The following CDK17 variants were observed in gnomAD, a reference collection of about 807,000 sequenced individuals.
The protein encoded by CDK17 is cyclin-dependent kinase 17.
Under a neutral mutation model 77.6 loss-of-function variants are expected in CDK17, and 24 were observed. The ratio of observed to expected loss-of-function variants is 0.31; its 90% CI spans 0.22 to 0.44. The LOEUF is 0.44. Ranked by LOEUF, CDK17 falls within the 20% of genes least tolerant of loss-of-function variation. The pLI, the probability that CDK17 is intolerant of heterozygous loss-of-function variation, is 1.00. For missense variants in CDK17, 429 were observed against 622.5 expected (o/e 0.69, Z 3.31); for synonymous variants, 203 against 210.4 (o/e 0.96, Z 0.30).
intron 5 of CDK17, among the ~76,000 whole-genome samples, chr12:96,304,720 C>T (rs1952554865): frequency 6.6e-6 from 1 of 152,136 alleles, no homozygotes; most frequent in East Asian, 1.9e-4. Context: ...ACAAAAATTG[C>T]TATTATCATC....
chr12:96,374,954 AACAGTC>A (rs1282535363), intron 1 of CDK17, among the ~76,000 whole-genome samples: 1 of 152,162 alleles, frequency 6.6e-6, no homozygotes, highest in African/African-American at 2.4e-5. Flanking sequence ...AGCACTGCTG[AACAGTC>A]ACACAACAGA....
At chr12:96,311,985 G>A (rs1416560021) in intron 4 of CDK17, among the ~76,000 whole-genome samples, 1 of 152,114 alleles carries the variant, frequency 6.6e-6, no homozygotes, top group Non-Finnish European at 1.5e-5. Context: ...AAGAGTATAT[G>A]TGTATATGGG....
At chr12:96,299,007 C>T (rs752529516) in intron 6 of CDK17, 24 bp from the exon 7 acceptor site, 40 of 1,184,818 alleles carry the variant, frequency 3.4e-5, no homozygotes, top group East Asian at 4.7e-5. Context: ...TTTTAAAGGA[C>T]GCATCAAAAG....
In CDK17 at chr12:96,381,859, C is replaced by A. The variant is rs936785210; in HGVS notation, c.-30+18127G>T. Among the ~76,000 whole-genome samples, 4 of 151,976 alleles carry A rather than the reference C, an allele frequency of 2.6e-5. No individual in the cohort carries two copies. The South Asian group carries it at 6.2e-4, about 24-fold the overall frequency. On this transcript the variant is annotated intron_variant, in intron 1 of 16. Coordinates refer to ENST00000261211, the MANE Select transcript of CDK17 (RefSeq NM_002595.5). The stretch of plus-strand genomic sequence containing the variant: ...CCAGGATTCAGGGAGCAGTCAAAGT[C>A]TCCTCCTTAGCAATCCGTGGGGATA...
Position 96,278,601 on chromosome 12 carries a change from A to G in CDK17, c.*1641T>C, listed in dbSNP as rs1025094597. 3.3e-5 allele frequency: 5 copies of G among 152,614 alleles called. No individual in the cohort carries two copies. The highest frequency in any genetic ancestry group is 1.2e-4 in the African/African-American group (5 of 41,466). 9.5% of individuals were successfully genotyped at this position (152,614 alleles called of 1,614,324 possible). A position where few individuals can be genotyped will look rare whatever the true frequency, so the allele number is the denominator to read the frequency against. Reference sequence around the variant, plus strand: ...TATTATAAATTTCAAAACAAAATGAAGGAATTTCCACATATTTATAACCTT... The same window carrying G: ...TATTATAAATTTCAAAACAAAATGAGGGAATTTCCACATATTTATAACCTT... On this transcript the variant is annotated 3_prime_UTR_variant, in exon 17 of 17. Coordinates refer to ENST00000261211, the MANE Select transcript of CDK17 (RefSeq NM_002595.5).
chr12:96,336,067 AG>A (rs1953036653), intron 1 of CDK17, among the ~76,000 whole-genome samples: 2 of 152,196 alleles, frequency 1.3e-5, no homozygotes, highest in Admixed American at 6.5e-5. Flanking sequence ...TATGCATATT[AG>A]TTACAGAATA....
intron 3 of CDK17, among the ~76,000 whole-genome samples, chr12:96,322,096 A>C (rs138076009): frequency 0.01 from 1,591 of 152,310 alleles, 48 homozygotes; most frequent in Admixed American, 0.064. Context: ...TACTCACGTC[A>C]TTAACAAACA....
chr12:96,394,676 G>C (rs1311895004), intron 1 of CDK17, among the ~76,000 whole-genome samples: 1 of 151,402 alleles, frequency 6.6e-6, no homozygotes, highest in African/African-American at 2.4e-5. Flanking sequence ...TTAGTTGGAC[G>C]TGGAAGCTCA....
intron 2 of CDK17, among the ~76,000 whole-genome samples, chr12:96,329,229 C>T (rs184672856): frequency 3.8e-4 from 57 of 151,940 alleles, no homozygotes; most frequent in African/African-American, 1.3e-3. Flanking sequence ...GTGATGGTTA[C>T]GCAATGTAAA....
intron 1 of CDK17, among the ~76,000 whole-genome samples, chr12:96,363,119 G>A (rs373853891): frequency 6.4e-4 from 97 of 152,120 alleles, no homozygotes; most frequent in African/African-American, 2.3e-3. Context: ...TTCCAGTTAC[G>A]AAAGTAAGAA....
rs931540270 is a variant in CDK17 at position 96,368,817 on chromosome 12, G to A, written c.-30+31169C>T. Among the ~76,000 whole-genome samples the A allele has an allele frequency of 1.7e-3, 168 of 96,600 alleles. 27 individuals are homozygous for A. The highest frequency in any genetic ancestry group is 4.2e-3 in the African/African-American group (119 of 28,568). The allele number at this position is 96,600 out of a possible 152,430, so 63.4% of individuals were successfully genotyped here. Reference sequence around the variant, plus strand: ...AAGCTACTCTAAGACGGGGGGGGGGGGGGGGGGCACAATGAATAAGGCTGG... The same window carrying A: ...AAGCTACTCTAAGACGGGGGGGGGGAGGGGGGGCACAATGAATAAGGCTGG... On this transcript the variant is annotated intron_variant, in intron 1 of 16. Transcript: ENST00000261211.
intron 5 of CDK17, among the ~76,000 whole-genome samples, chr12:96,310,413 T>TA (rs912715546): frequency 1.1e-4 from 17 of 152,038 alleles, no homozygotes; most frequent in African/African-American, 4.1e-4. Flanking sequence ...ATTACACATT[T>TA]AAAAAACAAA....
chr12:96,394,361 C>T (rs921200218), intron 1 of CDK17, among the ~76,000 whole-genome samples: 1 of 152,048 alleles, frequency 6.6e-6, no homozygotes, highest in Non-Finnish European at 1.5e-5. Context: ...ATTAATATGA[C>T]TTGAGAAGGC....
At chr12:96,388,073 C>T (rs1456217603) in intron 1 of CDK17, among the ~76,000 whole-genome samples, 2 of 150,698 alleles carry the variant, frequency 1.3e-5, no homozygotes, top group African/African-American at 4.9e-5. Flanking sequence ...AGTTGGAAAC[C>T]AGCCTGGGCA....
intron 9 of CDK17, 83 bp from the exon 10 acceptor site, chr12:96,295,205 A>G: frequency 9.2e-7 from 1 of 1,083,796 alleles, no homozygotes; most frequent in Non-Finnish European, 1.3e-6. Context: ...GCAGAAAAGC[A>G]GCTGGCCTAG....
chr12:96,336,582 C>A (rs1953043749), intron 1 of CDK17, among the ~76,000 whole-genome samples: 2 of 152,090 alleles, frequency 1.3e-5, no homozygotes, highest in Admixed American at 1.3e-4. Flanking sequence ...CTCTTTTCAC[C>A]CACATGCTCT....
chr12:96,326,863 C>T (rs2137130460), intron 2 of CDK17, among the ~76,000 whole-genome samples: 1 of 152,284 alleles, frequency 6.6e-6, no homozygotes, highest in East Asian at 1.9e-4. Context: ...ACAAGTCATT[C>T]AACACTTTAT....
Position 96,353,347 on chromosome 12 carries a change from G to T in CDK17, c.-29-18482C>A, listed in dbSNP as rs183209600. ...TGGATGTTTACTATTCCATTGTATG[G>T]CTATACTATGTAGCAGAAATGTCTT... On this transcript the variant is annotated intron_variant, in intron 1 of 16. Coordinates refer to ENST00000261211, the MANE Select transcript of CDK17 (RefSeq NM_002595.5). Among the ~76,000 whole-genome samples, 579 of 152,110 alleles carry T rather than the reference G, an allele frequency of 3.8e-3. 3 individuals carry two copies. The highest frequency in any genetic ancestry group is 6.5e-3 in the Admixed American group (100 of 15,288).
chr12:96,280,429 T>C, intron 16 of CDK17, 150 bp from the exon 17 acceptor site: 1 of 1,439,440 alleles, frequency 6.9e-7, no homozygotes, highest in Non-Finnish European at 9.1e-7. Flanking sequence ...GACCCTTCTG[T>C]TGACGGGGTC....
Sources: allele counts gnomAD v4.1 joint callset (sites outside exome capture counted in the v4.1 genomes callset), GRCh38; gene constraint gnomAD v4.1.1; transcripts MANE v1.5; gene names NCBI Gene and HGNC (gene_info 2026-07-23, HGNC 2026-07-21).